The following MORC1 variants were observed in gnomAD, a reference collection of about 807,000 sequenced individuals.
The protein encoded by MORC1 is MORC family CW-type zinc finger 1.
In MORC1, 59 loss-of-function variants were observed where a neutral mutation model predicts 134.9. That is an observed-to-expected ratio of 0.44 (90% CI 0.35 to 0.54). The LOEUF is 0.54. Ranked by LOEUF, MORC1 falls within the 20% of genes least tolerant of loss-of-function variation. The pLI is 0.00. For synonymous variants in MORC1, 395 were observed against 391.7 expected, an observed-to-expected ratio of 1.01 and a Z score of -0.10; for missense variants, 947 against 1,134.5, an observed-to-expected ratio of 0.83 and a Z score of 2.37.
At chr3:109,065,379 C>T (rs1383606828) in intron 9 of MORC1, among the ~76,000 whole-genome samples, 1 of 152,132 alleles carries the variant, frequency 6.6e-6, no homozygotes, top group Non-Finnish European at 1.5e-5. Flanking sequence ...ACTGTCCCCT[C>T]CTTCTAGAAC....
intron 4 of MORC1, among the ~76,000 whole-genome samples, chr3:109,103,631 T>G (rs1218712130): frequency 6.6e-6 from 1 of 152,234 alleles, no homozygotes; most frequent in African/African-American, 2.4e-5. Flanking sequence ...CTGACAATAT[T>G]AATATACATT....
chr3:109,007,144 C>T (rs1024289776), intron 17 of MORC1, 53 bp from the exon 18 acceptor site: 5 of 1,362,032 alleles, frequency 3.7e-6, no homozygotes, highest in Non-Finnish European at 4.1e-6. Context: ...TAAGCTTCAA[C>T]TGGCATAGGG....
At chr3:109,104,078 C>T (rs1299972876) in intron 3 of MORC1, among the ~76,000 whole-genome samples, 161 bp from the exon 4 acceptor site, 1 of 152,170 alleles carries the variant, frequency 6.6e-6, no homozygotes, top group African/African-American at 2.4e-5. Flanking sequence ...GCTACAGCTT[C>T]ACAAGAAACT....
chr3:109,100,280 C>T (rs1576743810), intron 5 of MORC1, 137 bp downstream of exon 5: 2 of 635,224 alleles, frequency 3.1e-6, no homozygotes, highest in Non-Finnish European at 5.4e-6. Flanking sequence ...GAGATTCCAA[C>T]ACAAAGTAGG....
Position 109,069,740 on chromosome 3 carries a change from G to A in MORC1, c.707C>T (p.Ser236Leu), listed in dbSNP as rs911663381. 8 of 1,608,430 alleles carry A rather than the reference G, an allele frequency of 5.0e-6. No individual in the cohort carries two copies. In the Admixed American group the frequency reaches 8.4e-5, roughly 17 times the overall value. ...GALEDFPARW[S>L]FRAYTSVLYF... Reference sequence around the variant, plus strand: ...CAGAACAGATGTGTAGGCTCTGAATGACCACCTCGCTGGGAAACTGAAATA... The same window carrying A: ...CAGAACAGATGTGTAGGCTCTGAATAACCACCTCGCTGGGAAACTGAAATA... Residue 236 changes from serine to leucine, a missense_variant, in exon 9 of 28, where the codon TCA becomes TTA. Coordinates refer to ENST00000232603, the MANE Select transcript of MORC1 (RefSeq NM_014429.4).
At chr3:109,044,719 C>T (rs1046039754) in intron 14 of MORC1, among the ~76,000 whole-genome samples, 1 of 151,794 alleles carries the variant, frequency 6.6e-6, no homozygotes, top group Non-Finnish European at 1.5e-5. Flanking sequence ...CTGAGGTGAG[C>T]AGCTCATTCA....
At chr3:109,008,523 G>A (rs56386094) in intron 17 of MORC1, among the ~76,000 whole-genome samples, 24,173 of 151,454 alleles carry the variant, frequency 0.16, 2,159 homozygotes, top group African/African-American at 0.23. Flanking sequence ...CTGAGAGTAA[G>A]TTAAAGTTTC....
At chr3:108,986,991 G>T (rs1313383334) in intron 21 of MORC1, 42 bp from the exon 22 acceptor site, 4 of 1,437,286 alleles carry the variant, frequency 2.8e-6, no homozygotes, top group East Asian at 4.6e-5. Context: ...CAAAAACATA[G>T]GACATATTAT....
chr3:109,016,309 G>C (rs1948814806), intron 17 of MORC1, among the ~76,000 whole-genome samples: 1 of 152,012 alleles, frequency 6.6e-6, no homozygotes, highest in African/African-American at 2.4e-5. Flanking sequence ...TCCCTAACTA[G>C]CTTCTGTATC....
Position 108,979,664 on chromosome 3 carries a change from C to G in MORC1, c.2328G>C (p.Leu776Phe). ...RSSSLPSWKS[L>F]LNVPMEDVNL... ...TCACATCTTCCATCGGCACATTGAG[C>G]AAGCTGAGGTTTGTCATTTCAAAGT... Residue 776 changes from leucine to phenylalanine, a missense_variant, in exon 24 of 28, where the codon TTG becomes TTC. By Grantham distance (22) the Leu-to-Phe change is conservative. Coordinates refer to ENST00000232603, the MANE Select transcript of MORC1 (RefSeq NM_014429.4). The G allele has an allele frequency of 6.2e-7, 1 of 1,612,966 alleles. No individual in the cohort carries two copies. Among genetic ancestry groups the G allele is most frequent in the Admixed American group, 1.7e-5 (1 of 59,874 alleles).
At chr3:109,043,199 G>C (rs1057394585) in intron 14 of MORC1, among the ~76,000 whole-genome samples, 9 of 126,952 alleles carry the variant, frequency 7.1e-5, no homozygotes, top group Admixed American at 3.3e-4. Flanking sequence ...GGGGGGGGGG[G>C]GGTGTGTATA....
chr3:108,980,308 T>G (rs1947677292), intron 23 of MORC1, among the ~76,000 whole-genome samples: 2 of 151,956 alleles, frequency 1.3e-5, no homozygotes, highest in South Asian at 4.2e-4. Context: ...CCTCCAGAGG[T>G]AACAGTTGAT....
At chr3:109,039,630 C>T (rs946189631) in intron 14 of MORC1, among the ~76,000 whole-genome samples, 1 of 152,134 alleles carries the variant, frequency 6.6e-6, no homozygotes, top group African/African-American at 2.4e-5. Context: ...CAGCTCTCAG[C>T]CAGTAGTAGC....
At chr3:109,031,006 GAGAC>G (rs1949229136) in intron 16 of MORC1, among the ~76,000 whole-genome samples, 1 of 152,162 alleles carries the variant, frequency 6.6e-6, no homozygotes. Context: ...TTTTTAAAGA[GAGAC>G]AGAATTAATA....
chr3:109,117,217 G>A (rs1951291661), intron 1 of MORC1, among the ~76,000 whole-genome samples: 1 of 151,528 alleles, frequency 6.6e-6, no homozygotes, highest in Non-Finnish European at 1.5e-5. Context: ...CTGTCCCACA[G>A]AGCAAGGGTG....
intron 19 of MORC1, 39 bp from the exon 20 acceptor site, chr3:109,004,927 T>C (rs1009266733): frequency 3.8e-6 from 6 of 1,597,086 alleles, no homozygotes; most frequent in Non-Finnish European, 5.1e-6. Flanking sequence ...AATTAGAAAT[T>C]GGGACCTTGT....
chr3:109,034,140 T>C (rs982339155), intron 15 of MORC1, among the ~76,000 whole-genome samples: 31 of 152,156 alleles, frequency 2.0e-4, no homozygotes, highest in African/African-American at 5.8e-4. Context: ...ATTACAACAA[T>C]AGTCTCCTGT....
At chr3:108,967,049 C>G (rs988597655) in intron 26 of MORC1, among the ~76,000 whole-genome samples, 2 of 152,196 alleles carry the variant, frequency 1.3e-5, no homozygotes, top group Non-Finnish European at 2.9e-5. Flanking sequence ...ATTAAATGCA[C>G]ACACCTTAAA....
intron 8 of MORC1, among the ~76,000 whole-genome samples, chr3:109,091,026 A>G (rs914145591): frequency 6.6e-6 from 1 of 152,150 alleles, no homozygotes. Context: ...AGGACTAAGA[A>G]TTTATGTCTT....
Sources: allele counts gnomAD v4.1 joint callset (sites outside exome capture counted in the v4.1 genomes callset), GRCh38; gene constraint gnomAD v4.1.1; transcripts MANE v1.5; gene names NCBI Gene and HGNC (gene_info 2026-07-23, HGNC 2026-07-21).